ITGA1: variants seen among roughly 807,000 people sequenced by gnomAD.
The protein encoded by ITGA1 is integrin alpha-1.
A neutral mutation model predicts 145.9 loss-of-function variants in ITGA1; 85 were observed. The observed-to-expected ratio is 0.58, with a 90% CI of 0.49 to 0.70. The LOEUF (loss-of-function observed/expected upper bound fraction) is 0.70, where lower values mean the gene tolerates loss of function less well. Among genes scored for constraint, ITGA1 ranks in the 30% least tolerant of loss-of-function variants. The pLI is 0.00. For missense variants in ITGA1, 1,351 were observed against 1,418.7 expected, an observed-to-expected ratio of 0.95 and a Z score of 0.77; for synonymous variants, 520 against 495.3, an observed-to-expected ratio of 1.05 and a Z score of -0.66.
intron 12 of ITGA1, among the ~76,000 whole-genome samples, chr5:52,907,346 G>T (rs79182587): frequency 1.1e-3 from 172 of 152,200 alleles, no homozygotes; most frequent in African/African-American, 4.1e-3. Context: ...AAAAGGAAGG[G>T]CCATGACAGA....
intron 1 of ITGA1, among the ~76,000 whole-genome samples, chr5:52,832,673 C>T (rs1256251465): frequency 8.7e-6 from 1 of 115,098 alleles, no homozygotes. Context: ...AAAGAATGAA[C>T]ACTATCACTA....
At chr5:52,820,910 A>T (rs1295778729) in intron 1 of ITGA1, among the ~76,000 whole-genome samples, 2 of 152,162 alleles carry the variant, frequency 1.3e-5, no homozygotes, top group African/African-American at 4.8e-5. Flanking sequence ...AAAACCCCTT[A>T]GCCCAGTGGA....
intron 15 of ITGA1, 132 bp from the exon 16 acceptor site, chr5:52,918,600 A>G: frequency 1.5e-6 from 1 of 678,728 alleles, no homozygotes; most frequent in South Asian, 3.0e-5. Context: ...GATTAATTAA[A>G]GAAATGGAGT....
chr5:52,906,204 A>T (rs563450614), intron 12 of ITGA1, among the ~76,000 whole-genome samples: 1 of 152,230 alleles, frequency 6.6e-6, no homozygotes, highest in Non-Finnish European at 1.5e-5. Flanking sequence ...CAGACAATAC[A>T]GTCAGAATAT....
At chr5:52,797,858 C>A (rs1193579527) in intron 1 of ITGA1, among the ~76,000 whole-genome samples, 1 of 152,190 alleles carries the variant, frequency 6.6e-6, no homozygotes, top group East Asian at 1.9e-4. Context: ...GATAAACATT[C>A]AATACGTGAT....
intron 1 of ITGA1, among the ~76,000 whole-genome samples, chr5:52,845,345 G>A (rs1041440197): frequency 6.6e-6 from 1 of 151,962 alleles, no homozygotes; most frequent in Non-Finnish European, 1.5e-5. Context: ...TACCTGTATT[G>A]ACATTATGAA....
chr5:52,898,512 C>T, intron 11 of ITGA1, 129 bp downstream of exon 11: 4 of 840,392 alleles, frequency 4.8e-6, no homozygotes, highest in Non-Finnish European at 7.0e-6. Flanking sequence ...GGGTATTTTC[C>T]AGAACCCATG....
At chr5:52,829,105 T>G (rs925125844) in intron 1 of ITGA1, among the ~76,000 whole-genome samples, 2 of 152,186 alleles carry the variant, frequency 1.3e-5, no homozygotes, top group African/African-American at 4.8e-5. Context: ...AAGGTCACAT[T>G]TACAGATACC....
chr5:52,801,031 G>A, intron 1 of ITGA1: 1 of 1,614,140 alleles, frequency 6.2e-7, no homozygotes, highest in Non-Finnish European at 8.5e-7. Flanking sequence ...CCCAGGATTT[G>A]TGAGGGAGCA....
At chr5:52,828,288 A>T (rs141182289) in intron 1 of ITGA1, among the ~76,000 whole-genome samples, 43 of 152,276 alleles carry the variant, frequency 2.8e-4, no homozygotes, top group African/African-American at 9.4e-4. Context: ...GAGAGTTCCA[A>T]TTACTACACA....
At chr5:52,932,885 A>T (rs1182204676) in intron 22 of ITGA1, 3 of 151,810 alleles carry the variant, frequency 2.0e-5, no homozygotes, top group African/African-American at 7.3e-5. Context: ...TACTATCTCC[A>T]TTTTCCAGTT....
Position 52,865,704 on chromosome 5 carries a change from C to T in ITGA1, c.511C>T (p.Leu171=). 1 of 1,563,864 alleles carries T rather than the reference C, an allele frequency of 6.4e-7. No homozygotes were observed. The highest frequency in any genetic ancestry group is 8.6e-7 in the Non-Finnish European group (1 of 1,162,566). The change falls in exon 6 of 29, where the codon CTG becomes TTG. Residue 171 remains leucine (L), a synonymous_variant. Coordinates refer to ENST00000282588, the MANE Select transcript of ITGA1 (RefSeq NM_181501.2). ...TTTTATTGCAGAATGCAGCACTCAA[C>T]TGGACATAGTCATAGTGCTGGATGG... ...IAPVQECSTQ[L]DIVIVLDGSN...
intron 6 of ITGA1, among the ~76,000 whole-genome samples, chr5:52,876,865 C>G (rs1749875616): frequency 6.6e-6 from 1 of 152,014 alleles, no homozygotes. Flanking sequence ...ATCCTGGCAA[C>G]AAGGTAAGAA....
chr5:52,809,147 TTTC>T (rs1170995790), intron 1 of ITGA1, among the ~76,000 whole-genome samples: 1 of 152,316 alleles, frequency 6.6e-6, no homozygotes, highest in East Asian at 1.9e-4. Context: ...TCTTCCTGCC[TTTC>T]TTCTTCTGAG....
intron 8 of ITGA1, among the ~76,000 whole-genome samples, chr5:52,890,892 T>G (rs1391864349): frequency 6.6e-6 from 1 of 152,176 alleles, no homozygotes; most frequent in African/African-American, 2.4e-5. Context: ...CACTACTCTT[T>G]CCAGCCTTTG....
chr5:52,834,379 A>G (rs1561222293), intron 1 of ITGA1, among the ~76,000 whole-genome samples: 1 of 151,884 alleles, frequency 6.6e-6, no homozygotes, highest in African/African-American at 2.4e-5. Context: ...GTAAATGGCC[A>G]TCTTCTTGCC....
intron 14 of ITGA1, among the ~76,000 whole-genome samples, chr5:52,910,663 GTATA>G (rs576097117): frequency 6.9e-6 from 1 of 145,062 alleles, no homozygotes; most frequent in South Asian, 2.1e-4. Flanking sequence ...TGTGTATATA[GTATA>G]TATATATACA....
Position 52,937,452 on chromosome 5 carries a change from T to C in ITGA1, c.3016T>C (p.Phe1006Leu). Reference protein sequence around the residue: ...PMPELKLSISFPNMTSNGYPV... With the variant: ...PMPELKLSISLPNMTSNGYPV... ...GCCAGAGCTTAAGCTGTCAATTTCA[T>C]TCCCCAATATGACATCAAATGGTTA... Residue 1006 changes from phenylalanine (F) to leucine (L), a missense_variant, in exon 24 of 29, where the codon TTC (phenylalanine) becomes CTC (leucine). By Grantham distance (22) the Phe-to-Leu change is conservative. Coordinates refer to ENST00000282588, the MANE Select transcript of ITGA1 (RefSeq NM_181501.2). The C allele has an allele frequency of 6.2e-7, 1 of 1,613,920 alleles. No individual in the cohort carries two copies. Among genetic ancestry groups the C allele is most frequent in the Non-Finnish European group, 8.5e-7 (1 of 1,179,812 alleles).
chr5:52,943,687 C>T (rs996036341), intron 26 of ITGA1, among the ~76,000 whole-genome samples: 4 of 152,160 alleles, frequency 2.6e-5, no homozygotes, highest in Admixed American at 6.5e-5. Context: ...CGAACCAGCC[C>T]TGTGGAGGGA....
Sources: gnomAD v4.1 joint callset for allele counts (sites outside exome capture counted in the v4.1 genomes callset) on GRCh38, gnomAD v4.1.1 for gene constraint, MANE v1.5 for transcripts, NCBI Gene and HGNC (gene_info 2026-07-23, HGNC 2026-07-21) for gene names.